The following LARGE1 variants were observed in gnomAD, a reference collection of about 807,000 sequenced individuals.
LARGE1 encodes LARGE xylosyl- and glucuronyltransferase 1.
LARGE1 carries 43 observed loss-of-function variants against 87.6 expected under a neutral mutation model. The ratio of observed to expected loss-of-function variants is 0.49; its 90% confidence interval spans 0.38 to 0.63. LARGE1 has a LOEUF of 0.63. Ranked by LOEUF, LARGE1 falls within the 30% of genes least tolerant of loss-of-function variation. The pLI, the probability that LARGE1 is intolerant of heterozygous loss-of-function variation, is 0.00. For missense variants in LARGE1, 802 were observed against 1,000.2 expected (o/e 0.80, Z 2.67); for synonymous variants, 434 against 394.6 (o/e 1.10, Z -1.18).
intron 11 of LARGE1, among the ~76,000 whole-genome samples, chr22:33,258,878 CTTT>C (rs71187256): frequency 0.068 from 9,748 of 142,470 alleles, 431 homozygotes; most frequent in African/African-American, 0.12. Context: ...TATGTTTCTT[CTTT>C]TTTTTTTTTT....
intron 6 of LARGE1, among the ~76,000 whole-genome samples, chr22:33,512,613 G>C (rs889136742): frequency 1.3e-5 from 2 of 152,030 alleles, no homozygotes; most frequent in African/African-American, 4.8e-5. Flanking sequence ...GACCAGCCTG[G>C]CCAACATGGC....
intron 6 of LARGE1, among the ~76,000 whole-genome samples, chr22:33,513,549 G>C (rs2071151329): frequency 6.6e-6 from 1 of 152,144 alleles, no homozygotes; most frequent in African/African-American, 2.4e-5. Flanking sequence ...AAAAAATGCT[G>C]ATAAGCAGAT....
intron 1 of LARGE1, among the ~76,000 whole-genome samples, chr22:33,770,179 T>G (rs979061302): frequency 6.6e-6 from 1 of 152,274 alleles, no homozygotes; most frequent in Admixed American, 6.5e-5. Context: ...TCTTTTTGCA[T>G]GTATAGCCAA....
chr22:33,141,864 C>T, the LARGE1 span, among the ~76,000 whole-genome samples: 1 of 152,148 alleles, frequency 6.6e-6, no homozygotes, highest in Non-Finnish European at 1.5e-5. Flanking sequence ...ACTTTTACTC[C>T]CTGCAAAAGG....
chr22:33,515,641 A>G (rs2071268924), intron 6 of LARGE1, among the ~76,000 whole-genome samples: 2 of 151,922 alleles, frequency 1.3e-5, no homozygotes, highest in Non-Finnish European at 2.9e-5. Context: ...TACCCCAGAA[A>G]CCCCCTCATT....
At chr22:33,706,264 G>A (rs1347454791) in intron 2 of LARGE1, among the ~76,000 whole-genome samples, 1 of 152,100 alleles carries the variant, frequency 6.6e-6, no homozygotes, top group Middle Eastern at 3.2e-3. Flanking sequence ...AGCAAACATG[G>A]ATCACACGGC....
At chr22:33,899,065 A>T (rs1337513710) in intron 1 of LARGE1, among the ~76,000 whole-genome samples, 1 of 152,230 alleles carries the variant, frequency 6.6e-6, no homozygotes, top group Non-Finnish European at 1.5e-5. Flanking sequence ...TGGAGACATC[A>T]GTATTCCTTT....
At chr22:33,360,956 C>T (rs2064366736) in intron 9 of LARGE1, among the ~76,000 whole-genome samples, 1 of 149,606 alleles carries the variant, frequency 6.7e-6, no homozygotes, top group African/African-American at 2.5e-5. Flanking sequence ...GTGGCTCACG[C>T]CTATAATCTC....
chr22:33,416,566 G>T (rs1278233885), intron 7 of LARGE1, among the ~76,000 whole-genome samples: 1 of 151,962 alleles, frequency 6.6e-6, no homozygotes, highest in Non-Finnish European at 1.5e-5. Context: ...GGGGGGCGGG[G>T]GAGGCAATGG....
intron 1 of LARGE1, among the ~76,000 whole-genome samples, chr22:33,849,146 T>C (rs572758955): frequency 3.9e-5 from 6 of 152,314 alleles, no homozygotes; most frequent in South Asian, 2.1e-4. Flanking sequence ...AATGATAGTG[T>C]GTCATCAGTC....
chr22:33,791,220 T>C (rs2085813423), intron 1 of LARGE1, among the ~76,000 whole-genome samples: 1 of 152,218 alleles, frequency 6.6e-6, no homozygotes, highest in Admixed American at 6.5e-5. Flanking sequence ...CCTTTAAACT[T>C]TCCCCAGGAA....
intron 12 of LARGE1, among the ~76,000 whole-genome samples, chr22:33,296,060 A>G (rs1227967645): frequency 3.3e-5 from 5 of 152,264 alleles, no homozygotes; most frequent in Non-Finnish European, 7.3e-5. Context: ...TGTCTCCACC[A>G]TCTCAGGTAA....
intron 10 of LARGE1, among the ~76,000 whole-genome samples, chr22:33,331,986 C>T (rs79095374): frequency 5.9e-5 from 9 of 152,208 alleles, no homozygotes; most frequent in Non-Finnish European, 8.8e-5. Context: ...TGGCACTAAC[C>T]GCACTACTTA....
intron 6 of LARGE1, among the ~76,000 whole-genome samples, chr22:33,449,787 A>G (rs929024135): frequency 3.3e-5 from 5 of 152,248 alleles, no homozygotes; most frequent in Admixed American, 6.5e-5. Context: ...CTTTCAAAAG[A>G]AAGTTGAGCC....
chr22:33,563,288 A>T (rs2077917307), intron 6 of LARGE1: 1 of 152,196 alleles, frequency 6.6e-6, no homozygotes, highest in Non-Finnish European at 1.5e-5. Context: ...CACAATTAGG[A>T]GCTCCTCCGT....
intron 9 of LARGE1, among the ~76,000 whole-genome samples, chr22:33,362,529 A>G (rs776869944): frequency 2.0e-5 from 3 of 149,842 alleles, no homozygotes. Flanking sequence ...CACCTAGGGC[A>G]AAGTAGATGC....
intron 6 of LARGE1, among the ~76,000 whole-genome samples, chr22:33,552,212 T>C (rs2077544725): frequency 6.6e-6 from 1 of 152,196 alleles, no homozygotes; most frequent in Non-Finnish European, 1.5e-5. Context: ...AGAGACATCA[T>C]GGCAGAGCAG....
chr22:33,343,553 C>T (rs1203859221), intron 9 of LARGE1, among the ~76,000 whole-genome samples: 2 of 152,110 alleles, frequency 1.3e-5, no homozygotes, highest in Admixed American at 6.5e-5. Context: ...TCTCACGTTT[C>T]CTCAGTAGCC....
At chr22:33,230,212 C>A (rs1925940201) in intron 11 of LARGE1, among the ~76,000 whole-genome samples, 1 of 151,784 alleles carries the variant, frequency 6.6e-6, no homozygotes, top group Admixed American at 6.6e-5. Flanking sequence ...TGGAGTTTCA[C>A]CATGTTGGCC....
Sources: gnomAD v4.1 joint callset for allele counts (sites outside exome capture counted in the v4.1 genomes callset) on GRCh38, gnomAD v4.1.1 for gene constraint, MANE v1.5 for transcripts, NCBI Gene and HGNC (gene_info 2026-07-23, HGNC 2026-07-21) for gene names.